Variants in DPYD observed in about 807,000 individuals in gnomAD.
The protein encoded by DPYD is dihydropyrimidine dehydrogenase.
In DPYD, 109 loss-of-function variants were observed where a neutral mutation model predicts 116.2. That is an observed-to-expected ratio of 0.94 (90% CI 0.80 to 1.10). DPYD has a LOEUF of 1.10. Among genes scored for constraint, DPYD ranks in the 50% least tolerant of loss-of-function variants. DPYD has a pLI of 0.00. For missense variants in DPYD, 1,302 were observed against 1,254.5 expected (o/e 1.04, Z -0.57); for synonymous variants, 440 against 432.0 (o/e 1.02, Z -0.23).
At chr1:97,813,915 GACACACACACACACACACACACAC>G (rs59229553) in intron 3 of DPYD, among the ~76,000 whole-genome samples, 1 of 144,630 alleles carries the variant, frequency 6.9e-6, no homozygotes, top group Non-Finnish European at 1.5e-5. Context: ...GAAACACACA[GACACACACACACACACACACACAC>G]ACACACACAC....
intron 14 of DPYD, among the ~76,000 whole-genome samples, chr1:97,383,457 C>T (rs1247870939): frequency 7.4e-6 from 1 of 135,480 alleles, no homozygotes; most frequent in South Asian, 2.3e-4. Flanking sequence ...GCCTGGGCAA[C>T]AGAGCGAGAC....
At position 97,492,428 on chromosome 1, in the gene DPYD, T is replaced by G. The variant is rs899764364; in HGVS notation, c.1740+23298A>C. Among the ~76,000 whole-genome samples, 7 of 152,280 alleles carry G rather than the reference T, an allele frequency of 4.6e-5. No individual in the cohort carries two copies. In the South Asian group the frequency reaches 6.2e-4, roughly 14 times the overall value. On this transcript the variant is annotated intron_variant, in intron 13 of 22. Transcript: ENST00000370192. ...AAGGAAAATCTCTGTGGTCACACTCTACTCCCTATTCACATAACACAATTT... is the reference window on the plus strand; with the variant it reads ...AAGGAAAATCTCTGTGGTCACACTCGACTCCCTATTCACATAACACAATTT...
At chr1:97,494,751 AAC>A (rs10657499) in intron 13 of DPYD, among the ~76,000 whole-genome samples, 4,640 of 146,600 alleles carry the variant, frequency 0.032, 195 homozygotes, top group African/African-American at 0.099. Flanking sequence ...CAAAAAAGAA[AAC>A]ACACACACAC....
chr1:97,464,163 T>C (rs1306081536), intron 13 of DPYD, among the ~76,000 whole-genome samples: 4 of 151,576 alleles, frequency 2.6e-5, no homozygotes, highest in East Asian at 1.9e-4. Context: ...CACTTGAACC[T>C]GGGAGGCGGA....
intron 19 of DPYD, among the ~76,000 whole-genome samples, chr1:97,222,282 T>C (rs995449348): frequency 2.6e-5 from 4 of 152,130 alleles, no homozygotes; most frequent in African/African-American, 4.8e-5. Flanking sequence ...AGGACATTTA[T>C]ATAAGGTGAG....
In DPYD at chr1:97,343,638, T is replaced by C. The variant is rs144231001; in HGVS notation, c.2058+29923A>G. Among the ~76,000 whole-genome samples the C allele has an allele frequency of 2.8e-3, 419 of 152,242 alleles. 2 individuals carry two copies. The highest frequency in any genetic ancestry group is 9.5e-3 in the African/African-American group (396 of 41,564). On this transcript the variant is annotated intron_variant, in intron 16 of 22. Coordinates refer to ENST00000370192, the MANE Select transcript of DPYD (RefSeq NM_000110.4). Reference sequence around the variant, plus strand: ...AACAATATTTCAACTCTTTAGTTCATGCAGAGGTTACCAGCTAGAGGGTAG... The same window carrying C: ...AACAATATTTCAACTCTTTAGTTCACGCAGAGGTTACCAGCTAGAGGGTAG...
chr1:97,863,510 G>A (rs552724057), intron 2 of DPYD, among the ~76,000 whole-genome samples: 1 of 151,920 alleles, frequency 6.6e-6, no homozygotes, highest in African/African-American at 2.4e-5. Context: ...CTCAGAAGTA[G>A]TAAATGTCCT....
chr1:97,703,045 C>A (rs1284047142), intron 5 of DPYD, among the ~76,000 whole-genome samples: 2 of 152,038 alleles, frequency 1.3e-5, no homozygotes, highest in East Asian at 3.9e-4. Flanking sequence ...TGCACTGCAG[C>A]TTAAGAGTTG....
intron 8 of DPYD, among the ~76,000 whole-genome samples, chr1:97,613,672 T>C (rs7533902): frequency 0.7 from 106,794 of 151,844 alleles, 38,586 homozygotes; most frequent in South Asian, 0.8. Flanking sequence ...GAATATAGCG[T>C]TTAAGTAATA....
At chr1:97,179,475 G>T (rs902522052) in intron 20 of DPYD, among the ~76,000 whole-genome samples, 1 of 152,110 alleles carries the variant, frequency 6.6e-6, no homozygotes, top group African/African-American at 2.4e-5. Context: ...TATAGTTTGA[G>T]ATGAAATGGT....
chr1:97,703,986 G>C (rs928126746), intron 5 of DPYD, among the ~76,000 whole-genome samples: 8 of 151,962 alleles, frequency 5.3e-5, no homozygotes, highest in Admixed American at 2.0e-4. Context: ...GGCAATACAT[G>C]AGGGCTCATT....
chr1:97,758,089 C>A (rs1375083295), intron 3 of DPYD, among the ~76,000 whole-genome samples: 1 of 152,104 alleles, frequency 6.6e-6, no homozygotes, highest in African/African-American at 2.4e-5. Flanking sequence ...TAAATAAACT[C>A]TTGAGGGAAG....
rs147036616 is a variant in DPYD, at chr1:97,428,688, T to C, written c.1905+21371A>G. Among the ~76,000 whole-genome samples, 441 of 151,816 alleles carry C rather than the reference T, an allele frequency of 2.9e-3. 6 individuals carry two copies. Among genetic ancestry groups the C allele is most frequent in the African/African-American group, 9.9e-3 (411 of 41,470 alleles). On this transcript the variant is annotated intron_variant, in intron 14 of 22. Transcript: ENST00000370192. ...AAAATCTACTTCAGATTTTTAAAAA[T>C]TAAACTTCATAACATCTCTTACAGA...
intron 18 of DPYD, among the ~76,000 whole-genome samples, chr1:97,264,940 T>A (rs938096956): frequency 1.3e-5 from 2 of 152,278 alleles, no homozygotes; most frequent in Middle Eastern, 3.4e-3. Context: ...GTGTCAAAGA[T>A]ATGGTTATGA....
At chr1:97,228,303 C>A (rs960702503) in intron 19 of DPYD, among the ~76,000 whole-genome samples, 3 of 151,976 alleles carry the variant, frequency 2.0e-5, no homozygotes, top group African/African-American at 7.2e-5. Context: ...CACACTTATG[C>A]AACTTATGAA....
At chr1:97,603,025 C>A (rs1655361460) in intron 8 of DPYD, among the ~76,000 whole-genome samples, 1 of 151,866 alleles carries the variant, frequency 6.6e-6, no homozygotes, top group African/African-American at 2.4e-5. Flanking sequence ...CTTTTCTCTT[C>A]TCCTTTTCTT....
chr1:97,763,655 C>T (rs1665699872), intron 3 of DPYD, among the ~76,000 whole-genome samples: 1 of 151,918 alleles, frequency 6.6e-6, no homozygotes, highest in South Asian at 2.1e-4. Flanking sequence ...ATAATCTTGC[C>T]TATTGATTAA....
intron 12 of DPYD, among the ~76,000 whole-genome samples, chr1:97,543,176 G>A (rs1650580308): frequency 6.6e-6 from 1 of 152,046 alleles, no homozygotes. Context: ...CTGGAGTGCT[G>A]AAGTAACCTG....
At chr1:97,257,241 T>A (rs1390137261) in intron 18 of DPYD, among the ~76,000 whole-genome samples, 2 of 151,872 alleles carry the variant, frequency 1.3e-5, no homozygotes, top group Non-Finnish European at 2.9e-5. Flanking sequence ...TACTATATAC[T>A]CACCTATTTA....
Sources: gnomAD v4.1 joint callset for allele counts (sites outside exome capture counted in the v4.1 genomes callset) on GRCh38, gnomAD v4.1.1 for gene constraint, MANE v1.5 for transcripts, NCBI Gene and HGNC (gene_info 2026-07-23, HGNC 2026-07-21) for gene names.